Variants in DPP10 observed in about 807,000 individuals in gnomAD.
DPP10 encodes dipeptidyl peptidase like 10, also known as inactive dipeptidyl peptidase 10.
DPP10 carries 33 observed loss-of-function variants against 120.9 expected under a neutral mutation model. That is an observed-to-expected ratio of 0.27 (90% CI 0.21 to 0.37). The LOEUF (loss-of-function observed/expected upper bound fraction) is 0.37, where lower values mean the gene tolerates loss of function less well. DPP10 is among the 10% of genes least tolerant of loss of function. The pLI is 1.00. For missense variants in DPP10, 816 were observed against 942.8 expected (o/e 0.87, Z 1.76); for synonymous variants, 337 against 326.1 (o/e 1.03, Z -0.36).
At chr2:114,470,109 A>C (rs954163028) in intron 1 of DPP10, among the ~76,000 whole-genome samples, 1 of 152,228 alleles carries the variant, frequency 6.6e-6, no homozygotes, top group African/African-American at 2.4e-5. Flanking sequence ...TTCCTGGGTT[A>C]AGTGGTTAGT....
At chr2:114,630,535 C>T (rs577185844) in intron 1 of DPP10, among the ~76,000 whole-genome samples, 10 of 152,130 alleles carry the variant, frequency 6.6e-5, no homozygotes, top group Admixed American at 5.2e-4. Flanking sequence ...ATTATTATTA[C>T]GAAAGATGTT....
intron 3 of DPP10, among the ~76,000 whole-genome samples, chr2:115,480,359 C>A (rs1432365779): frequency 6.6e-6 from 1 of 152,068 alleles, no homozygotes; most frequent in African/African-American, 2.4e-5. Flanking sequence ...TAATGTACTG[C>A]ATAACTGAAT....
At chr2:115,300,407 T>G (rs1383849872) in intron 1 of DPP10, among the ~76,000 whole-genome samples, 2 of 152,190 alleles carry the variant, frequency 1.3e-5, no homozygotes, top group Non-Finnish European at 2.9e-5. Context: ...CGGGATTTCC[T>G]TCATTTTCAA....
At chr2:115,530,408 T>C (rs982491862) in intron 5 of DPP10, among the ~76,000 whole-genome samples, 2 of 152,054 alleles carry the variant, frequency 1.3e-5, no homozygotes, top group African/African-American at 2.4e-5. Flanking sequence ...AGGGTAATCA[T>C]GTTAGAGAAG....
At chr2:115,349,468 GA>G (rs1203095587) in intron 3 of DPP10, among the ~76,000 whole-genome samples, 4 of 151,984 alleles carry the variant, frequency 2.6e-5, no homozygotes, top group African/African-American at 7.2e-5. Flanking sequence ...AAAAAGAAAA[GA>G]AAAAAACTAT....
chr2:114,591,487 A>G (rs545439486), intron 1 of DPP10, among the ~76,000 whole-genome samples: 66 of 151,698 alleles, frequency 4.4e-4, no homozygotes, highest in African/African-American at 1.5e-3. Context: ...CAAATCCCAA[A>G]TAAGTGAGAG....
At chr2:115,830,137 C>T (rs1301248792) in intron 21 of DPP10, among the ~76,000 whole-genome samples, 4 of 151,980 alleles carry the variant, frequency 2.6e-5, no homozygotes, top group Admixed American at 2.0e-4. Flanking sequence ...GGGTGGATCA[C>T]CTGAGGTCAG....
intron 1 of DPP10, among the ~76,000 whole-genome samples, chr2:114,659,280 A>C (rs997049494): frequency 6.6e-6 from 1 of 152,162 alleles, no homozygotes; most frequent in Non-Finnish European, 1.5e-5. Context: ...TGTCATATAA[A>C]CAGATATGAG....
chr2:115,215,871 C>T (rs539322637), intron 1 of DPP10, among the ~76,000 whole-genome samples: 64 of 152,232 alleles, frequency 4.2e-4, no homozygotes, highest in African/African-American at 1.2e-3. Context: ...TATTGCATTA[C>T]TATTCACAAT....
chr2:115,343,125 T>C (rs2063532226), intron 2 of DPP10, among the ~76,000 whole-genome samples: 1 of 152,222 alleles, frequency 6.6e-6, no homozygotes, highest in South Asian at 2.1e-4. Context: ...AGGGTGTTTG[T>C]AATGCTGATT....
chr2:115,827,444 ATAT>A lies in DPP10; in HGVS notation c.1951-8712_1951-8710del, dbSNP rs1559209927. 5.8e-3 allele frequency among the ~76,000 whole-genome samples: 815 copies of A among 141,312 alleles called. 12 individuals carry two copies. Among genetic ancestry groups the A allele is most frequent in the African/African-American group, 0.02 (762 of 37,598 alleles). The allele number at this position is 141,312 out of a possible 152,430, so 92.7% of individuals were successfully genotyped here. A position where few individuals can be genotyped will look rare whatever the true frequency, so the allele number is the denominator to read the frequency against. ...TATATATATATATATATATATATAT[ATAT>A]GCTCTACAGTGGTATACTTCTGTTT... is the stretch of plus-strand genomic sequence containing the variant. On this transcript the variant is annotated intron_variant, in intron 21 of 25. Coordinates refer to ENST00000410059, the MANE Select transcript of DPP10 (RefSeq NM_020868.6).
At chr2:114,783,848 C>G (rs559831505) in intron 1 of DPP10, among the ~76,000 whole-genome samples, 2 of 151,994 alleles carry the variant, frequency 1.3e-5, no homozygotes, top group South Asian at 4.2e-4. Flanking sequence ...TCCTCCCTCC[C>G]CCTATATATA....
intron 1 of DPP10, among the ~76,000 whole-genome samples, chr2:114,623,226 A>G (rs1325030069): frequency 6.6e-6 from 1 of 152,068 alleles, no homozygotes; most frequent in Admixed American, 6.6e-5. Context: ...TGTAGAAATA[A>G]TGTGCATCGT....
At chr2:115,814,539 A>G (rs1018447483) in intron 19 of DPP10, 1 of 275,026 alleles carries the variant, frequency 3.6e-6, no homozygotes, top group African/African-American at 2.2e-5. Context: ...AATGAGCTAA[A>G]CTAATTTCTA....
intron 1 of DPP10, among the ~76,000 whole-genome samples, chr2:115,250,324 A>C (rs1239155479): frequency 2.0e-5 from 3 of 152,216 alleles, no homozygotes; most frequent in Non-Finnish European, 4.4e-5. Flanking sequence ...CTTCTCTCCC[A>C]TAATTCCGAA....
chr2:115,787,914 T>C (rs1683522661), intron 17 of DPP10, among the ~76,000 whole-genome samples: 1 of 151,830 alleles, frequency 6.6e-6, no homozygotes, highest in Non-Finnish European at 1.5e-5. Flanking sequence ...TGGAAGACAA[T>C]AGAACAAAAT....
intron 9 of DPP10, 103 bp downstream of exon 9, chr2:115,739,996 CAGA>C (rs1423716603): frequency 7.5e-7 from 1 of 1,333,416 alleles, no homozygotes; most frequent in Non-Finnish European, 1.1e-6. Context: ...TGGAGGAAAA[CAGA>C]AGTTTTCCTT....
At chr2:115,786,777 T>C (rs2149892308) in intron 17 of DPP10, among the ~76,000 whole-genome samples, 1 of 152,220 alleles carries the variant, frequency 6.6e-6, no homozygotes. Context: ...TGTTGAGGAA[T>C]GGTATGGAAT....
chr2:115,462,680 T>C (rs1412589565), intron 3 of DPP10, among the ~76,000 whole-genome samples: 1 of 152,186 alleles, frequency 6.6e-6, no homozygotes, highest in Non-Finnish European at 1.5e-5. Context: ...TTTGCTAATG[T>C]ATATTTATGC....
Sources: allele counts gnomAD v4.1 joint callset (sites outside exome capture counted in the v4.1 genomes callset), GRCh38; gene constraint gnomAD v4.1.1; transcripts MANE v1.5; gene names NCBI Gene and HGNC (gene_info 2026-07-23, HGNC 2026-07-21).